Variants in APOL2 observed in about 807,000 individuals in gnomAD.
The protein encoded by APOL2 is apolipoprotein L2, also known as apolipoprotein L, 2.
In APOL2, 8 loss-of-function variants were observed where a neutral mutation model predicts 7.1. The observed-to-expected ratio is 1.12, with a 90% CI of 0.66 to 2.03. The LOEUF (loss-of-function observed/expected upper bound fraction) is 2.03, where lower values mean the gene tolerates loss of function less well. Among genes scored for constraint, APOL2 ranks in the 30% most tolerant of loss-of-function variants. APOL2 has a pLI of 0.00. For synonymous variants in APOL2, 177 were observed against 159.9 expected (o/e 1.11, Z -0.81); for missense variants, 471 against 415.1 (o/e 1.13, Z -1.17).
rs141853160 is a variant in APOL2, at chr22:36,228,120, G to T, written c.298C>A (p.Arg100Ser). Residue 100 changes from arginine (R) to serine (S), a missense_variant, in exon 5 of 5, where the codon CGT becomes AGT. Transcript: ENST00000358502. ...RELEDHIRKLRALAEEVEQVH... is the reference protein window; with the variant it reads ...RELEDHIRKLSALAEEVEQVH... The stretch of plus-strand genomic sequence containing the variant: ...TGCTCAACCTCCTCTGCAAGGGCAC[G>T]GAGCTTCCTTATGTGATCCTCAAGC... 1 of 1,614,216 alleles carries T rather than the reference G, an allele frequency of 6.2e-7. No homozygotes were observed. Among genetic ancestry groups the T allele is most frequent in the Non-Finnish European group, 8.5e-7 (1 of 1,180,032 alleles).
intron 3 of APOL2, 36 bp from the exon 4 acceptor site, chr22:36,231,502 A>G: frequency 6.3e-7 from 1 of 1,599,256 alleles, no homozygotes; most frequent in Non-Finnish European, 8.6e-7. Context: ...GTTGGAGGAT[A>G]GTGTAGGGGA....
intron 1 of APOL2, among the ~76,000 whole-genome samples, chr22:36,235,643 G>GA (rs1446815915): frequency 6.6e-6 from 1 of 151,936 alleles, no homozygotes; most frequent in Non-Finnish European, 1.5e-5. Context: ...AAAGATGACA[G>GA]AGGAAAAGGA....
intron 1 of APOL2, chr22:36,237,449 C>A: frequency 9.4e-7 from 1 of 1,067,916 alleles, no homozygotes; most frequent in Non-Finnish European, 1.2e-6. Context: ...TGCTCTGTCA[C>A]CCAGTCTGGA....
intron 1 of APOL2, among the ~76,000 whole-genome samples, chr22:36,234,589 A>G (rs1368633753): frequency 6.6e-6 from 1 of 152,246 alleles, no homozygotes; most frequent in Non-Finnish European, 1.5e-5. Context: ...AATGTTAATC[A>G]TATTAATCAT....
chr22:36,237,640 A>G (rs2015454183), intron 1 of APOL2, among the ~76,000 whole-genome samples: 1 of 152,080 alleles, frequency 6.6e-6, no homozygotes, highest in African/African-American at 2.4e-5. Flanking sequence ...TTGAGCTCCT[A>G]GCATCATGTG....
chr22:36,239,916 A>T, upstream of APOL2: 1 of 206,212 alleles, frequency 4.8e-6, no homozygotes, highest in Non-Finnish European at 9.9e-6. Flanking sequence ...CTCAAGCCTC[A>T]GTGCAATTCC....
At position 36,237,501 on chromosome 22, in the gene APOL2, T is replaced by A. The variant is rs183224550; in HGVS notation, c.-134+1940A>T. 9.8e-5 allele frequency: 52 copies of A among 532,242 alleles called. 1 individual carries two copies. Among genetic ancestry groups the A allele is most frequent in the Non-Finnish European group, 1.2e-4 (48 of 399,890 alleles). 33.0% of individuals were successfully genotyped at this position (532,242 alleles called of 1,614,324 possible). On this transcript the variant is annotated intron_variant, in intron 1 of 4. Coordinates refer to ENST00000358502, the MANE Select transcript of APOL2 (RefSeq NM_030882.4). ...ACAGCTTGCTGTAGCCTAGAGCCCC[T>A]GGGCTCAAGTGATCCTTCTGCCTCA... is the stretch of plus-strand genomic sequence containing the variant.
At chr22:36,233,588 T>C in intron 1 of APOL2, 133 bp from the exon 2 acceptor site, 1 of 757,438 alleles carries the variant, frequency 1.3e-6, no homozygotes, top group Non-Finnish European at 2.2e-6. Flanking sequence ...GGAACATGTA[T>C]GATAACTAGT....
Position 36,227,690 on chromosome 22 carries a change from G to A in APOL2, c.728C>T (p.Pro243Leu), listed in dbSNP as rs373105957. The A allele has an allele frequency of 1.4e-5, 22 of 1,614,100 alleles. No homozygotes were observed. The highest frequency in any genetic ancestry group is 8.0e-5 in the African/African-American group (6 of 74,938). ...AGCTGAGATTCGCCCAATGACATGC[G>A]GGGGTGGGGCATACGCTCCTAACTG... ...NPQLGAYAPP[P>L]HVIGRISAEG... Residue 243 changes from proline to leucine, a missense_variant, in exon 5 of 5, where the codon CCG (proline) becomes CTG (leucine). By Grantham distance (98) the Pro-to-Leu change is moderately conservative. Coordinates refer to ENST00000358502, the MANE Select transcript of APOL2 (RefSeq NM_030882.4).
intron 4 of APOL2, 59 bp from the exon 5 acceptor site, chr22:36,228,339 T>A (rs1182496596): frequency 1.3e-6 from 2 of 1,544,444 alleles, no homozygotes; most frequent in African/African-American, 2.8e-5. Flanking sequence ...TGAAATGAGC[T>A]CCATGCGATC....
At chr22:36,236,514 C>T in intron 1 of APOL2, 6 of 955,988 alleles carry the variant, frequency 6.3e-6, no homozygotes, top group Non-Finnish European at 7.5e-6. Context: ...CTAATAATGA[C>T]ACTATAAGTA....
rs1188784742 is a variant in APOL2 at position 36,239,509 on chromosome 22, A to C, written c.-202T>G. ...TCTGAGCTGTGTGGATCCCACGTCCAGCTGTGCATCTGTGTAATAACCAGA... is the reference window on the plus strand; with the variant it reads ...TCTGAGCTGTGTGGATCCCACGTCCCGCTGTGCATCTGTGTAATAACCAGA... On this transcript the variant is annotated 5_prime_UTR_variant, in exon 1 of 5. Coordinates refer to ENST00000358502, the MANE Select transcript of APOL2 (RefSeq NM_030882.4). The C allele has an allele frequency of 4.4e-6, 7 of 1,586,414 alleles. No homozygotes were observed. The East Asian group carries it at 1.6e-4, about 36-fold the overall frequency.
At chr22:36,234,138 C>T (rs556835137) in intron 1 of APOL2, 2 of 152,394 alleles carry the variant, frequency 1.3e-5, no homozygotes, top group African/African-American at 2.4e-5. Context: ...TATCCTCCCT[C>T]ACGTAAAACT....
At chr22:36,238,450 G>A (rs1480909984) in intron 1 of APOL2, among the ~76,000 whole-genome samples, 8 of 152,034 alleles carry the variant, frequency 5.3e-5, no homozygotes, top group Non-Finnish European at 4.4e-5. Context: ...ATCTTAGGCT[G>A]GGAGGGGAGG....
In APOL2 at chr22:36,227,553, C is replaced by T. The variant is rs1394610694; in HGVS notation, c.865G>A (p.Val289Ile). 1 of 1,614,114 alleles carries T rather than the reference C, an allele frequency of 6.2e-7. No homozygotes were observed. Among genetic ancestry groups the T allele is most frequent in the East Asian group, 2.2e-5 (1 of 44,896 alleles). Residue 289 changes from valine (V) to isoleucine (I), a missense_variant, in exon 5 of 5, where the codon GTC becomes ATC. By Grantham distance (29) the Val-to-Ile change is conservative. Transcript: ENST00000358502. ...TGCTTTGACTCATATGCAAGGCTGA[C>T]CACATCCAGCAGAAGCAAGATGCCT... ...TGGILLLLDV[V>I]SLAYESKHLL... is the part of the protein sequence containing the mutation.
At chr22:36,237,189 G>A in intron 1 of APOL2, 1 of 1,482,750 alleles carries the variant, frequency 6.7e-7, no homozygotes, top group Non-Finnish European at 9.0e-7. Context: ...GGCTTGACTA[G>A]GACACAGTGT....
intron 1 of APOL2, chr22:36,236,912 G>T: frequency 7.7e-7 from 1 of 1,304,744 alleles, no homozygotes; most frequent in South Asian, 2.3e-5. Flanking sequence ...ACGGGAGGGG[G>T]TCTTCCCTTC....
In APOL2 at chr22:36,227,878, T is replaced by C. The variant is rs765710533; in HGVS notation, c.540A>G (p.Gln180=). The part of the protein sequence containing the change: ...ELVNKLRARA[Q]ARNLDQSGTN... ...TGCCGCTTTGGTCCAAGTTGCGGGC[T>C]TGGGCTCGTGCCCGCAATTTGTTTA... Residue 180 remains glutamine (Q), a synonymous_variant, in exon 5 of 5, where the codon CAA becomes CAG. Transcript: ENST00000358502. 2 of 1,614,236 alleles carry C rather than the reference T, an allele frequency of 1.2e-6. No homozygotes were observed. The highest frequency in any genetic ancestry group is 2.2e-5 in the East Asian group (1 of 44,892).
intron 1 of APOL2, chr22:36,236,618 G>A (rs6000214): frequency 0.11 from 111,331 of 985,082 alleles, 7,018 homozygotes; most frequent in African/African-American, 0.25. Flanking sequence ...CGCACTCCCC[G>A]GCACACCCAC....
Sources: gnomAD v4.1 joint callset for allele counts (sites outside exome capture counted in the v4.1 genomes callset) on GRCh38, gnomAD v4.1.1 for gene constraint, MANE v1.5 for transcripts, NCBI Gene and HGNC (gene_info 2026-07-23, HGNC 2026-07-21) for gene names.